The following OSBPL8 variants were observed in gnomAD, a reference collection of about 807,000 sequenced individuals.
OSBPL8 encodes the protein oxysterol-binding protein-related protein 8.
A neutral mutation model predicts 125.5 loss-of-function variants in OSBPL8; 59 were observed. The ratio of observed to expected loss-of-function variants is 0.47; its 90% CI spans 0.38 to 0.58. The LOEUF is 0.58. Among genes scored for constraint, OSBPL8 ranks in the 20% least tolerant of loss-of-function variants. OSBPL8 has a pLI of 0.00. For synonymous variants in OSBPL8, 330 were observed against 338.9 expected (o/e 0.97, Z 0.29); for missense variants, 758 against 1,047.8 (o/e 0.72, Z 3.82).
intron 2 of OSBPL8, among the ~76,000 whole-genome samples, chr12:76,468,120 T>C (rs780309362): frequency 6.6e-6 from 1 of 152,160 alleles, no homozygotes; most frequent in Non-Finnish European, 1.5e-5. Context: ...TTACTTATTA[T>C]TAAAACAAAT....
intron 3 of OSBPL8, among the ~76,000 whole-genome samples, chr12:76,459,445 A>G (rs1437035793): frequency 6.6e-6 from 1 of 152,222 alleles, no homozygotes; most frequent in Admixed American, 6.5e-5. Context: ...CCAAAGTATA[A>G]AACAATTTTC....
intron 11 of OSBPL8, 174 bp from the exon 12 acceptor site, chr12:76,390,003 G>A (rs910227701): frequency 5.9e-5 from 28 of 472,844 alleles, no homozygotes; most frequent in African/African-American, 5.2e-4. Context: ...GGTAAAAAAG[G>A]GTAGCTGAAA....
At chr12:76,473,953 C>T (rs1426389604) in intron 2 of OSBPL8, among the ~76,000 whole-genome samples, 4 of 152,136 alleles carry the variant, frequency 2.6e-5, no homozygotes, top group Admixed American at 1.3e-4. Context: ...TTTTGAATAG[C>T]TGGCGGCACA....
intron 4 of OSBPL8, among the ~76,000 whole-genome samples, chr12:76,412,475 T>C (rs1868270259): frequency 6.6e-6 from 1 of 152,196 alleles, no homozygotes; most frequent in Admixed American, 6.5e-5. Flanking sequence ...TCTTCCATTT[T>C]ATTGCGTTTC....
At chr12:76,449,519 C>G (rs1247646586) in intron 4 of OSBPL8, among the ~76,000 whole-genome samples, 2 of 152,176 alleles carry the variant, frequency 1.3e-5, no homozygotes, top group Non-Finnish European at 2.9e-5. Flanking sequence ...TAGCATAAAT[C>G]AAGGCAGAGG....
intron 22 of OSBPL8, 151 bp downstream of exon 22, chr12:76,358,555 A>G: frequency 1.6e-6 from 1 of 640,076 alleles, no homozygotes; most frequent in Non-Finnish European, 2.7e-6. Flanking sequence ...TGGTCTCACA[A>G]CTTATCTATG....
chr12:76,554,149 G>A (rs185660083), intron 1 of OSBPL8, among the ~76,000 whole-genome samples: 14 of 151,930 alleles, frequency 9.2e-5, no homozygotes, highest in Admixed American at 7.9e-4. Context: ...GTGAGAAAAT[G>A]GCAACTGGAT....
intron 1 of OSBPL8, among the ~76,000 whole-genome samples, chr12:76,499,154 C>T (rs1016830558): frequency 7.2e-5 from 11 of 152,136 alleles, no homozygotes; most frequent in African/African-American, 2.2e-4. Flanking sequence ...TCCCAACCTA[C>T]GTCTTTCTCC....
At chr12:76,441,100 C>T (rs540757316) in intron 4 of OSBPL8, among the ~76,000 whole-genome samples, 1 of 152,226 alleles carries the variant, frequency 6.6e-6, no homozygotes, top group Non-Finnish European at 1.5e-5. Context: ...CCCTATATTT[C>T]CCAATTACAA....
At chr12:76,457,676 T>G (rs1328565658) in intron 3 of OSBPL8, among the ~76,000 whole-genome samples, 1 of 152,202 alleles carries the variant, frequency 6.6e-6, no homozygotes, top group Non-Finnish European at 1.5e-5. Context: ...GCAGAGTACA[T>G]GATAAAGTCA....
chr12:76,479,235 A>G lies in OSBPL8; in HGVS notation c.42+8275T>C, dbSNP rs372263692. On this transcript the variant is annotated intron_variant, in intron 2 of 23. Coordinates refer to ENST00000261183, the MANE Select transcript of OSBPL8 (RefSeq NM_020841.5). The stretch of plus-strand genomic sequence containing the variant: ...ATAATTGGATTGTAACACAAAGGAT[A>G]AAAGCTTAAGGGGATGGATACCCCA... 3.3e-5 allele frequency among the ~76,000 whole-genome samples: 5 copies of G among 152,338 alleles called. No individual in the cohort carries two copies. In the South Asian group the frequency reaches 8.3e-4, roughly 25 times the overall value.
At chr12:76,384,008 G>T (rs995051871) in intron 15 of OSBPL8, among the ~76,000 whole-genome samples, 1 of 152,114 alleles carries the variant, frequency 6.6e-6, no homozygotes, top group Admixed American at 6.5e-5. Context: ...TGCACTAAAG[G>T]GCTATAATGG....
chr12:76,406,905 G>A (rs1954283936), intron 5 of OSBPL8, among the ~76,000 whole-genome samples: 1 of 152,074 alleles, frequency 6.6e-6, no homozygotes, highest in Admixed American at 6.5e-5. Context: ...AAGCCACTGT[G>A]CCCAGCTCCT....
In OSBPL8 at chr12:76,398,290, C is replaced by A. The variant is rs185149805; in HGVS notation, c.469-393G>T. ...GCTTAAAACAATTTTTCCCCTTCAC[C>A]ACATCAACAGTGCTGAAAACACTGC... is the stretch of plus-strand genomic sequence containing the variant. On this transcript the variant is annotated intron_variant, in intron 7 of 23. Transcript: ENST00000261183. Among the ~76,000 whole-genome samples, 11 of 152,252 alleles carry A rather than the reference C, an allele frequency of 7.2e-5. No homozygotes were observed. In the East Asian group the frequency reaches 2.1e-3, roughly 29 times the overall value.
chr12:76,390,026 T>C (rs973155355), intron 11 of OSBPL8, 197 bp from the exon 12 acceptor site: 108 of 424,582 alleles, frequency 2.5e-4, no homozygotes, highest in Non-Finnish European at 8.2e-5. Flanking sequence ...GACATCAAAG[T>C]GAACAATATA....
At chr12:76,524,876 G>T (rs1440878771) in intron 1 of OSBPL8, among the ~76,000 whole-genome samples, 20 of 151,986 alleles carry the variant, frequency 1.3e-4, no homozygotes, top group Admixed American at 1.3e-3. Flanking sequence ...TAGAGACGGG[G>T]TATCGTCATG....
chr12:76,451,097 T>C (rs938462419), intron 3 of OSBPL8, 109 bp from the exon 4 acceptor site: 14 of 1,181,288 alleles, frequency 1.2e-5, no homozygotes, highest in African/African-American at 1.1e-4. Flanking sequence ...GGTGGTTATA[T>C]TCATTTTACC....
intron 1 of OSBPL8, among the ~76,000 whole-genome samples, chr12:76,492,736 C>T (rs976068826): frequency 5.3e-5 from 8 of 152,088 alleles, no homozygotes; most frequent in African/African-American, 1.9e-4. Context: ...CATCTAGCTG[C>T]AGGAAAACAA....
chr12:76,529,326 T>C (rs1466928439), intron 1 of OSBPL8, among the ~76,000 whole-genome samples: 3 of 152,308 alleles, frequency 2.0e-5, no homozygotes, highest in South Asian at 4.1e-4. Flanking sequence ...TCTTGGGCAC[T>C]TGTTACTATC....
Sources: gnomAD v4.1 joint callset for allele counts (sites outside exome capture counted in the v4.1 genomes callset) on GRCh38, gnomAD v4.1.1 for gene constraint, MANE v1.5 for transcripts, NCBI Gene and HGNC (gene_info 2026-07-23, HGNC 2026-07-21) for gene names.